Variants in OR4K13 observed in about 807,000 individuals in gnomAD.
OR4K13 encodes the protein olfactory receptor 4K13.
For synonymous variants in OR4K13, 160 were observed against 134.8 expected (o/e 1.19, Z -1.30); for missense variants, 403 against 366.0 (o/e 1.10, Z -0.82).
chr14:20,034,313 TAGG>T lies in OR4K13; in HGVS notation c.443_445del (p.Ser148del). 1 of 1,613,978 alleles carries T rather than the reference TAGG, an allele frequency of 6.2e-7. No individual in the cohort carries two copies. Among genetic ancestry groups the T allele is most frequent in the Non-Finnish European group, 8.5e-7 (1 of 1,179,960 alleles). ...AGATGAGTGCACAAATCCAACTGCA[TAGG>T]AGGATAACAGTAGCCCAGTGAGCAC... On this transcript the variant is annotated inframe_deletion, in exon 2 of 2. Transcript: ENST00000641904.
Position 20,030,464 on chromosome 14 carries a change from G to C in OR4K13, c.*3380C>G, listed in dbSNP as rs578144153. On this transcript the variant is annotated 3_prime_UTR_variant, in exon 2 of 2. Transcript: ENST00000641904. ...CTGTACTTGAAAAATGAAACAAAAAGCTTAATATTTGTACTATGAATTGAT... is the reference window on the plus strand; with the variant it reads ...CTGTACTTGAAAAATGAAACAAAAACCTTAATATTTGTACTATGAATTGAT... 6.6e-6 allele frequency: 1 copy of C among 152,004 alleles called. No homozygotes were observed. Among genetic ancestry groups the C allele is most frequent in the Non-Finnish European group, 1.5e-5 (1 of 68,006 alleles). The allele number at this position is 152,004 out of a possible 1,614,324, so 9.4% of individuals were successfully genotyped here. A position where few individuals can be genotyped will look rare whatever the true frequency, so the allele number is the denominator to read the frequency against.
chr14:20,033,657 T>G lies in OR4K13; in HGVS notation c.*187A>C. Reference sequence around the variant, plus strand: ...ATCTACTATTTCCTCATATGGAACTTGAACTGTTAGCTGGTACACAAGTTA... The same window carrying G: ...ATCTACTATTTCCTCATATGGAACTGGAACTGTTAGCTGGTACACAAGTTA... On this transcript the variant is annotated 3_prime_UTR_variant, in exon 2 of 2. Coordinates refer to ENST00000641904, the MANE Select transcript of OR4K13 (RefSeq NM_001004714.2). 6.4e-6 allele frequency: 3 copies of G among 467,812 alleles called. 1 individual carries two copies. Among genetic ancestry groups the G allele is most frequent in the South Asian group, 5.5e-5 (2 of 36,150 alleles). The allele number at this position is 467,812 out of a possible 1,614,324, so 29.0% of individuals were successfully genotyped here.
At position 20,034,108 on chromosome 14, in the gene OR4K13, G is replaced by A. The variant is rs139197151; in HGVS notation, c.651C>T (p.Ser217=). The part of the protein sequence containing the change: ...SLVCFLLLLV[S]YGVIIFSVRY... ...TAACTGAGAATATTATGACTCCATA[G>A]GAGACAAGCAAGAGGAGGAAGCAGA... Residue 217 remains serine, a synonymous_variant, in exon 2 of 2, where the codon TCC becomes TCT. Coordinates refer to ENST00000641904, the MANE Select transcript of OR4K13 (RefSeq NM_001004714.2). 1.1e-3 allele frequency: 1,706 copies of A among 1,613,990 alleles called. 2 individuals carry two copies. Among genetic ancestry groups the A allele is most frequent in the Non-Finnish European group, 1.4e-3 (1,619 of 1,180,028 alleles).
At position 20,034,171 on chromosome 14, in the gene OR4K13, C is replaced by T. The variant is rs775832706; in HGVS notation, c.588G>A (p.Gln196=). Reference sequence around the variant, plus strand: ...GCCCACTGTCAGCAATGACCAGGAGCTGTAGGATGTAGGTGTCCTTGCAGG... The same window carrying T: ...GCCCACTGTCAGCAATGACCAGGAGTTGTAGGATGTAGGTGTCCTTGCAGG... ...KLACKDTYIL[Q]LLVIADSGLL... The change falls in exon 2 of 2, where the codon CAG becomes CAA. Residue 196 remains glutamine (Q), a synonymous_variant. Transcript: ENST00000641904. 4 of 1,614,052 alleles carry T rather than the reference C, an allele frequency of 2.5e-6. No homozygotes were observed. The highest frequency in any genetic ancestry group is 3.4e-6 in the Non-Finnish European group (4 of 1,180,000).
At position 20,033,718 on chromosome 14, in the gene OR4K13, A is replaced by G. The variant is rs1765953129; in HGVS notation, c.*126T>C. 1.7e-6 allele frequency: 1 copy of G among 586,370 alleles called. No individual in the cohort carries two copies. The highest frequency in any genetic ancestry group is 2.3e-5 in the South Asian group (1 of 44,082). 36.3% of individuals were successfully genotyped at this position (586,370 alleles called of 1,614,324 possible). ...TGCCATTACTTTAATTTTGTCATTT[A>G]CTTTAATGGCAAAAACCGCAATGAC... is the stretch of plus-strand genomic sequence containing the variant. On this transcript the variant is annotated 3_prime_UTR_variant, in exon 2 of 2. Coordinates refer to ENST00000641904, the MANE Select transcript of OR4K13 (RefSeq NM_001004714.2).
intron 1 of OR4K13, among the ~76,000 whole-genome samples, chr14:20,035,198 A>C (rs1269719581): frequency 6.6e-6 from 1 of 152,082 alleles, no homozygotes; most frequent in Non-Finnish European, 1.5e-5. Context: ...ATCTCTATGA[A>C]TAAGATAATG....
Position 20,034,221 on chromosome 14 carries a change from C to A in OR4K13, c.538G>T (p.Asp180Tyr). The A allele has an allele frequency of 6.2e-7, 1 of 1,614,072 alleles. No homozygotes were observed. Among genetic ancestry groups the A allele is most frequent in the Non-Finnish European group, 8.5e-7 (1 of 1,179,998 alleles). ...GPNVIDSFFCDLPLVIKLACK... is the reference protein window; with the variant it reads ...GPNVIDSFFCYLPLVIKLACK... ...GCAAGTTTAATCACAAGGGGAAGGT[C>A]ACAGAAAAAGCTGTCTATAACATTG... Residue 180 changes from aspartate to tyrosine, a missense_variant, in exon 2 of 2, where the codon GAC becomes TAC. Transcript: ENST00000641904.
rs890941378 is a variant in OR4K13 at position 20,029,721 on chromosome 14, C to G, written c.*4123G>C. ...GGTGGACCACTTGAGGTCAGGAGTT[C>G]GAGACCAGCCTGGCCAATATGACAA... On this transcript the variant is annotated 3_prime_UTR_variant, in exon 2 of 2. Coordinates refer to ENST00000641904, the MANE Select transcript of OR4K13 (RefSeq NM_001004714.2). 6.6e-6 allele frequency: 1 copy of G among 151,942 alleles called. No homozygotes were observed. Among genetic ancestry groups the G allele is most frequent in the Non-Finnish European group, 1.5e-5 (1 of 68,008 alleles). The allele number at this position is 151,942 out of a possible 1,614,324, so 9.4% of individuals were successfully genotyped here.
At chr14:20,035,246 T>C (rs1030984559) in intron 1 of OR4K13, among the ~76,000 whole-genome samples, 10 of 151,922 alleles carry the variant, frequency 6.6e-5, no homozygotes, top group African/African-American at 2.4e-4. Context: ...TAATATTGAG[T>C]TTTATTAATG....
At chr14:20,035,512 G>T (rs1027878251) in intron 1 of OR4K13, 1 of 130,182 alleles carries the variant, frequency 7.7e-6, no homozygotes, top group Non-Finnish European at 1.7e-5. Flanking sequence ...TATATAATTC[G>T]TTCATTCAAC....
Position 20,034,232 on chromosome 14 carries a change from C to G in OR4K13, c.527G>C (p.Ser176Thr). 6.2e-7 allele frequency: 1 copy of G among 1,614,146 alleles called. No individual in the cohort carries two copies. Among genetic ancestry groups the G allele is most frequent in the Non-Finnish European group, 8.5e-7 (1 of 1,180,016 alleles). Reference protein sequence around the residue: ...LPFCGPNVIDSFFCDLPLVIK... With the variant: ...LPFCGPNVIDTFFCDLPLVIK... ...CACAAGGGGAAGGTCACAGAAAAAG[C>G]TGTCTATAACATTGGGACCACAGAA... Residue 176 changes from serine (S) to threonine (T), a missense_variant, in exon 2 of 2, where the codon AGC becomes ACC. By Grantham distance (58) the Ser-to-Thr change is moderately conservative. Transcript: ENST00000641904.
Position 20,034,783 on chromosome 14 carries a change from T to C in OR4K13, c.-25A>G, listed in dbSNP as rs898949068. The stretch of plus-strand genomic sequence containing the variant: ...TATCGTCAACTTTATCCCATAATGA[T>C]CAAAATAAGTGAGAATAAGGGGTAG... On this transcript the variant is annotated 5_prime_UTR_variant, in exon 2 of 2. It removes the in-frame stop codon of an upstream open reading frame in the 5' UTR. Coordinates refer to ENST00000641904, the MANE Select transcript of OR4K13 (RefSeq NM_001004714.2). The C allele has an allele frequency of 9.0e-6, 14 of 1,551,654 alleles. No individual in the cohort carries two copies. In the African/African-American group the frequency reaches 1.2e-4, roughly 14 times the overall value.
chr14:20,034,170 G>C lies in OR4K13; in HGVS notation c.589C>G (p.Leu197Val). 1.9e-6 allele frequency: 3 copies of C among 1,614,144 alleles called. No individual in the cohort carries two copies. Among genetic ancestry groups the C allele is most frequent in the Non-Finnish European group, 2.5e-6 (3 of 1,180,010 alleles). ...AGCCCACTGTCAGCAATGACCAGGA[G>C]CTGTAGGATGTAGGTGTCCTTGCAG... ...LACKDTYILQ[L>V]LVIADSGLLS... Residue 197 changes from leucine (L) to valine (V), a missense_variant, in exon 2 of 2, where the codon CTC (leucine) becomes GTC (valine). By Grantham distance (32) the Leu-to-Val change is conservative (BLOSUM62 1). Transcript: ENST00000641904.
chr14:20,034,945 T>G lies in OR4K13; in HGVS notation c.-187A>C. 1 of 570,404 alleles carries G rather than the reference T, an allele frequency of 1.8e-6. No homozygotes were observed. Among genetic ancestry groups the G allele is most frequent in the African/African-American group, 1.9e-5 (1 of 53,220 alleles). 35.3% of individuals were successfully genotyped at this position (570,404 alleles called of 1,614,324 possible). On this transcript the variant is annotated 5_prime_UTR_variant, in exon 2 of 2. Coordinates refer to ENST00000641904, the MANE Select transcript of OR4K13 (RefSeq NM_001004714.2). ...TGATTTTACTAATGGCCCAGAGAAGTATCCCAAATAGTCAGTAGAATTCAG... is the reference window on the plus strand; with the variant it reads ...TGATTTTACTAATGGCCCAGAGAAGGATCCCAAATAGTCAGTAGAATTCAG...
rs894482333 is a variant in OR4K13, at chr14:20,035,947, GA to G, written c.-234del. On this transcript the variant is annotated 5_prime_UTR_variant, in exon 1 of 2. The change creates a premature stop within an existing upstream ORF in the 5' untranslated region. Transcript: ENST00000641904. ...TGCTGTTATTACTTACAAGACAGGG[GA>G]AAAAAACTTTCGTGATGGCGTCGTA... 3 of 151,986 alleles carry G rather than the reference GA, an allele frequency of 2.0e-5. No homozygotes were observed. The highest frequency in any genetic ancestry group is 6.6e-5 in the Admixed American group (1 of 15,240). The allele number at this position is 151,986 out of a possible 1,614,324, so 9.4% of individuals were successfully genotyped here.
rs1454411517 is a variant in OR4K13 at position 20,032,322 on chromosome 14, T to C, written c.*1522A>G. 1.3e-5 allele frequency: 2 copies of C among 152,204 alleles called. No homozygotes were observed. Among genetic ancestry groups the C allele is most frequent in the Non-Finnish European group, 2.9e-5 (2 of 68,028 alleles). The allele number at this position is 152,204 out of a possible 1,614,324, so 9.4% of individuals were successfully genotyped here. The stretch of plus-strand genomic sequence containing the variant: ...AAGAAAAAAAAAGTTTGAAAATGCA[T>C]TTTGAGGCTGGGATCCTTGGTCACA... On this transcript the variant is annotated 3_prime_UTR_variant, in exon 2 of 2. Transcript: ENST00000641904.
At position 20,032,687 on chromosome 14, in the gene OR4K13, C is replaced by G. The variant is rs918084589; in HGVS notation, c.*1157G>C. Reference sequence around the variant, plus strand: ...ATTGCAAAGAGAAATATGAACAGAGCTAAGAAGGGGGAGATAAACTTGGAA... The same window carrying G: ...ATTGCAAAGAGAAATATGAACAGAGGTAAGAAGGGGGAGATAAACTTGGAA... On this transcript the variant is annotated 3_prime_UTR_variant, in exon 2 of 2. Coordinates refer to ENST00000641904, the MANE Select transcript of OR4K13 (RefSeq NM_001004714.2). 2.0e-5 allele frequency: 3 copies of G among 152,158 alleles called. No homozygotes were observed. The highest frequency in any genetic ancestry group is 4.4e-5 in the Non-Finnish European group (3 of 68,030). The allele number at this position is 152,158 out of a possible 1,614,324, so 9.4% of individuals were successfully genotyped here.
Position 20,031,375 on chromosome 14 carries a change from A to T in OR4K13, c.*2469T>A, listed in dbSNP as rs1171235474. On this transcript the variant is annotated 3_prime_UTR_variant, in exon 2 of 2. Transcript: ENST00000641904. ...AGCATGTTGGGAGAGGGAAAAAATA[A>T]CTCCTTCTAATAAAGACAGTTCACA... 6.6e-6 allele frequency: 1 copy of T among 152,116 alleles called. No homozygotes were observed. Among genetic ancestry groups the T allele is most frequent in the Non-Finnish European group, 1.5e-5 (1 of 68,012 alleles). 9.4% of individuals were successfully genotyped at this position (152,116 alleles called of 1,614,324 possible).
chr14:20,035,036 C>T lies in OR4K13; in HGVS notation c.-223-55G>A, dbSNP rs911378229. The T allele has an allele frequency of 4.0e-5, 13 of 327,602 alleles. No homozygotes were observed. The South Asian group carries it at 6.0e-4, about 15-fold the overall frequency. 20.3% of individuals were successfully genotyped at this position (327,602 alleles called of 1,614,324 possible). A position where few individuals can be genotyped will look rare whatever the true frequency, so the allele number is the denominator to read the frequency against. ...TACATGAAACCACAAAACTATAGGT[C>T]ATGAATTAGAATCAGAAGACCTCTA... On this transcript the variant is annotated intron_variant, in intron 1 of 1. Transcript: ENST00000641904.
Sources: gnomAD v4.1 joint callset for allele counts (sites outside exome capture counted in the v4.1 genomes callset) on GRCh38, gnomAD v4.1.1 for gene constraint, MANE v1.5 for transcripts, NCBI Gene and HGNC (gene_info 2026-07-23, HGNC 2026-07-21) for gene names.